The following SMARCAD1 variants were observed in gnomAD, a reference collection of about 807,000 sequenced individuals.
The protein encoded by SMARCAD1 is SNF2 related chromatin remodeling ATPase with DExD box 1.
A neutral mutation model predicts 127.1 loss-of-function variants in SMARCAD1; 25 were observed. The observed-to-expected ratio is 0.20, with a 90% CI of 0.14 to 0.27. SMARCAD1 has a LOEUF of 0.27. SMARCAD1 is among the 10% of genes least tolerant of loss of function. The pLI, the probability that SMARCAD1 is intolerant of heterozygous loss-of-function variation, is 1.00. For synonymous variants in SMARCAD1, 400 were observed against 396.9 expected (o/e 1.01, Z -0.09); for missense variants, 807 against 1,206.0 (o/e 0.67, Z 4.90).
chr4:94,272,060 G>C (rs557537631), intron 11 of SMARCAD1, among the ~76,000 whole-genome samples: 2 of 152,060 alleles, frequency 1.3e-5, no homozygotes, highest in Admixed American at 1.3e-4. Flanking sequence ...GGTAGCTTGC[G>C]TTTCTCCTGA....
At chr4:94,209,552 AAC>A (rs1276699212) in intron 2 of SMARCAD1, among the ~76,000 whole-genome samples, 4 of 152,228 alleles carry the variant, frequency 2.6e-5, no homozygotes, top group Admixed American at 6.5e-5. Context: ...AAAGATTGGT[AAC>A]ACACATGTTT....
chr4:94,219,245 C>T (rs1425424376), intron 2 of SMARCAD1, among the ~76,000 whole-genome samples: 2 of 152,002 alleles, frequency 1.3e-5, no homozygotes, highest in South Asian at 2.1e-4. Context: ...ATATCAGAAA[C>T]GGCAGGGATT....
chr4:94,262,415 G>A (rs536201485), intron 9 of SMARCAD1, among the ~76,000 whole-genome samples: 7 of 152,190 alleles, frequency 4.6e-5, no homozygotes, highest in East Asian at 1.9e-4. Flanking sequence ...CAGTTTCTCC[G>A]TGTCCAACAC....
chr4:94,280,502 T>G, intron 19 of SMARCAD1, 90 bp from the exon 20 acceptor site: 2 of 1,110,306 alleles, frequency 1.8e-6, no homozygotes, highest in Non-Finnish European at 2.6e-6. Flanking sequence ...TTAGATATTT[T>G]ATCAGGTATA....
intron 9 of SMARCAD1, chr4:94,253,768 G>T: frequency 1.2e-6 from 1 of 812,338 alleles, no homozygotes; most frequent in Non-Finnish European, 1.5e-6. Flanking sequence ...AATGCCAACA[G>T]TCATCAAATC....
intron 3 of SMARCAD1, among the ~76,000 whole-genome samples, chr4:94,232,107 C>T (rs932143276): frequency 2.0e-4 from 31 of 152,192 alleles, no homozygotes; most frequent in Non-Finnish European, 4.0e-4. Context: ...AGGTAATCCA[C>T]CCACGTCGGC....
At chr4:94,229,175 A>T (rs1745448575) in intron 3 of SMARCAD1, among the ~76,000 whole-genome samples, 1 of 152,172 alleles carries the variant, frequency 6.6e-6, no homozygotes, top group East Asian at 1.9e-4. Context: ...CTGTGGAGAG[A>T]TACTTTGAGA....
At chr4:94,237,494 A>G (rs941852872) in intron 5 of SMARCAD1, among the ~76,000 whole-genome samples, 3 of 113,284 alleles carry the variant, frequency 2.6e-5, no homozygotes, top group African/African-American at 8.9e-5. Flanking sequence ...TAACTTACAC[A>G]TACTAAAAAA....
intron 15 of SMARCAD1, 51 bp downstream of exon 15, chr4:94,276,525 G>T (rs373304622): frequency 3.8e-6 from 6 of 1,588,206 alleles, no homozygotes; most frequent in Non-Finnish European, 5.2e-6. Flanking sequence ...TTTAGATTAC[G>T]TAATTTAATA....
intron 2 of SMARCAD1, among the ~76,000 whole-genome samples, chr4:94,219,652 T>A (rs1338252089): frequency 6.6e-6 from 1 of 152,240 alleles, no homozygotes; most frequent in Non-Finnish European, 1.5e-5. Context: ...GCTAATAATG[T>A]AAGTTCCCAT....
intron 23 of SMARCAD1, among the ~76,000 whole-genome samples, chr4:94,286,065 G>C (rs1023436670): frequency 1.3e-5 from 2 of 152,010 alleles, no homozygotes; most frequent in Admixed American, 6.6e-5. Flanking sequence ...AAATATAATA[G>C]AACCATAATA....
At chr4:94,259,162 C>T (rs565652227) in intron 9 of SMARCAD1, among the ~76,000 whole-genome samples, 2 of 152,242 alleles carry the variant, frequency 1.3e-5, no homozygotes, top group South Asian at 4.1e-4. Flanking sequence ...AGTGTTGTTT[C>T]TTCCTGCCGG....
intron 14 of SMARCAD1, among the ~76,000 whole-genome samples, chr4:94,275,917 C>T (rs1185094323): frequency 6.6e-6 from 1 of 151,506 alleles, no homozygotes; most frequent in Non-Finnish European, 1.5e-5. Context: ...CCTGCCTCAG[C>T]CTCCTGAATA....
intron 23 of SMARCAD1, among the ~76,000 whole-genome samples, chr4:94,288,119 A>G (rs1755212718): frequency 1.3e-5 from 2 of 152,198 alleles, no homozygotes; most frequent in South Asian, 4.1e-4. Flanking sequence ...AATAAAGTCA[A>G]TTGTAAACAT....
intron 4 of SMARCAD1, among the ~76,000 whole-genome samples, chr4:94,236,341 G>A (rs1403782908): frequency 2.0e-5 from 3 of 152,058 alleles, no homozygotes; most frequent in Non-Finnish European, 4.4e-5. Context: ...TTACTGAGCA[G>A]TATAAAAACA....
Position 94,278,402 on chromosome 4 carries a change from T to C in SMARCAD1, c.2083-20T>C, listed in dbSNP as rs1560565402. Reference sequence around the variant, plus strand: ...TTTAAGTGAATAATTCCTAAAAGGATATGTTTTTATTTTGCTCAGAAATCA... The same window carrying C: ...TTTAAGTGAATAATTCCTAAAAGGACATGTTTTTATTTTGCTCAGAAATCA... On this transcript the variant is annotated intron_variant, in intron 16 of 23. Coordinates refer to ENST00000354268, the MANE Select transcript of SMARCAD1 (RefSeq NM_020159.5). 6.3e-7 allele frequency: 1 copy of C among 1,578,092 alleles called. No individual in the cohort carries two copies.
chr4:94,235,574 G>A (rs995407694), intron 4 of SMARCAD1, among the ~76,000 whole-genome samples: 1 of 150,190 alleles, frequency 6.7e-6, no homozygotes, highest in African/African-American at 2.4e-5. Context: ...TTAGCTAAAT[G>A]AAACTTTAGT....
chr4:94,244,795 G>A (rs1165201814), intron 6 of SMARCAD1, among the ~76,000 whole-genome samples: 1 of 151,304 alleles, frequency 6.6e-6, no homozygotes, highest in African/African-American at 2.4e-5. Flanking sequence ...TTCTTACAGT[G>A]TATCAAGCTC....
intron 9 of SMARCAD1, 102 bp from the exon 10 acceptor site, chr4:94,264,605 A>G (rs1751469569): frequency 1.0e-6 from 1 of 981,462 alleles, no homozygotes; most frequent in Non-Finnish European, 1.5e-6. Flanking sequence ...TCATTAAGTA[A>G]AAGTTTAAAT....
Sources: allele counts gnomAD v4.1 joint callset (sites outside exome capture counted in the v4.1 genomes callset), GRCh38; gene constraint gnomAD v4.1.1; transcripts MANE v1.5; gene names NCBI Gene and HGNC (gene_info 2026-07-23, HGNC 2026-07-21).